KSR2: variants seen among roughly 807,000 people sequenced by gnomAD.
KSR2 encodes kinase suppressor of ras 2.
KSR2 carries 25 observed loss-of-function variants against 107.8 expected under a neutral mutation model. That is an observed-to-expected ratio of 0.23 (90% CI 0.17 to 0.32). The LOEUF (loss-of-function observed/expected upper bound fraction) is 0.32. Ranked by LOEUF, KSR2 falls within the 10% of genes least tolerant of loss-of-function variation. The pLI, the probability that KSR2 is intolerant of heterozygous loss-of-function variation, is 1.00. For missense variants in KSR2, 887 were observed against 1,268.9 expected (o/e 0.70, Z 4.57); for synonymous variants, 480 against 507.0 (o/e 0.95, Z 0.71).
chr12:117,753,346 T>C (rs1888673873), intron 4 of KSR2, among the ~76,000 whole-genome samples: 1 of 152,154 alleles, frequency 6.6e-6, no homozygotes, highest in African/African-American at 2.4e-5. Context: ...AAATCCAAGA[T>C]TTTTCCTGTC....
intron 18 of KSR2, 85 bp from the exon 19 acceptor site, chr12:117,469,880 T>C: frequency 7.3e-7 from 1 of 1,363,238 alleles, no homozygotes; most frequent in South Asian, 1.2e-5. Context: ...TGCCAATTTG[T>C]CCACTCATCT....
At chr12:117,536,599 A>G (rs1328678380) in intron 10 of KSR2, among the ~76,000 whole-genome samples, 4 of 152,366 alleles carry the variant, frequency 2.6e-5, no homozygotes, top group African/African-American at 9.6e-5. Context: ...ATATATGTAA[A>G]TATTTTACAA....
At chr12:117,725,084 T>TCTCACACA (rs1468780403) in intron 4 of KSR2, among the ~76,000 whole-genome samples, 16 of 121,486 alleles carry the variant, frequency 1.3e-4, no homozygotes, top group African/African-American at 4.6e-4. Context: ...TCTCTCTCTC[T>TCTCACACA]CACACACACA....
At chr12:117,732,912 C>T (rs996292927) in intron 4 of KSR2, among the ~76,000 whole-genome samples, 3 of 152,122 alleles carry the variant, frequency 2.0e-5, no homozygotes, top group Non-Finnish European at 2.9e-5. Flanking sequence ...CCCCGCCCTG[C>T]GAGAGGGTCC....
chr12:117,551,459 T>C (rs1293269996), intron 9 of KSR2, among the ~76,000 whole-genome samples: 2 of 152,174 alleles, frequency 1.3e-5, no homozygotes, highest in Admixed American at 6.5e-5. Flanking sequence ...ATGTCTATTT[T>C]ACATAAAGGA....
intron 1 of KSR2, among the ~76,000 whole-genome samples, chr12:117,967,272 GC>G (rs1173730352): frequency 4.0e-5 from 6 of 151,774 alleles, no homozygotes; most frequent in Non-Finnish European, 5.9e-5. Context: ...CTCAAGTTCT[GC>G]CGGAGAGAAT....
chr12:117,896,605 G>A (rs773233077), intron 1 of KSR2, among the ~76,000 whole-genome samples: 2 of 151,906 alleles, frequency 1.3e-5, no homozygotes, highest in Admixed American at 1.3e-4. Flanking sequence ...GATTCCAGGC[G>A]TGTGCCACCA....
intron 14 of KSR2, 117 bp downstream of exon 14, chr12:117,524,735 G>A: frequency 8.2e-7 from 1 of 1,219,076 alleles, no homozygotes; most frequent in East Asian, 2.4e-5. Context: ...AACTGTGCAT[G>A]GTAGAACTAG....
intron 5 of KSR2, among the ~76,000 whole-genome samples, chr12:117,635,248 T>C (rs1162388005): frequency 2.0e-5 from 3 of 152,144 alleles, no homozygotes; most frequent in Admixed American, 2.0e-4. Context: ...AATAATGGAC[T>C]ACAGACATAA....
chr12:117,801,199 C>A (rs575079965), intron 3 of KSR2, among the ~76,000 whole-genome samples: 15 of 152,244 alleles, frequency 9.9e-5, no homozygotes, highest in African/African-American at 3.6e-4. Context: ...TCACTGCAAC[C>A]TCCACCTCCT....
At chr12:117,561,834 G>A (rs879748473) in intron 7 of KSR2, among the ~76,000 whole-genome samples, 1 of 152,156 alleles carries the variant, frequency 6.6e-6, no homozygotes, top group Non-Finnish European at 1.5e-5. Context: ...GCCCCCATGG[G>A]AAAGCTCATG....
chr12:117,860,504 C>T, intron 1 of KSR2, 73 bp from the exon 2 acceptor site: 3 of 1,434,000 alleles, frequency 2.1e-6, no homozygotes. Flanking sequence ...CGAGAACCCC[C>T]TACGAACCCC....
chr12:117,800,820 A>C (rs1489063920), intron 3 of KSR2, among the ~76,000 whole-genome samples: 1 of 151,396 alleles, frequency 6.6e-6, no homozygotes, highest in Non-Finnish European at 1.5e-5. Flanking sequence ...CTCATTGTTC[A>C]ACTCCCACTT....
chr12:117,510,994 C>A (rs530764828), intron 14 of KSR2, among the ~76,000 whole-genome samples: 2 of 152,076 alleles, frequency 1.3e-5, no homozygotes, highest in East Asian at 3.9e-4. Context: ...TTCATTTAAT[C>A]TTCACATTTA....
intron 4 of KSR2, among the ~76,000 whole-genome samples, chr12:117,718,949 C>G (rs1887104863): frequency 6.6e-6 from 1 of 152,148 alleles, no homozygotes; most frequent in South Asian, 2.1e-4. Flanking sequence ...CTTCCAGTCT[C>G]CTAAACAGCC....
chr12:117,823,554 C>A (rs1319154073), intron 3 of KSR2, among the ~76,000 whole-genome samples: 1 of 152,096 alleles, frequency 6.6e-6, no homozygotes, highest in Non-Finnish European at 1.5e-5. Context: ...GGTGGAAGGG[C>A]AACTGCAGGG....
At chr12:117,731,093 G>T (rs1166494430) in intron 4 of KSR2, among the ~76,000 whole-genome samples, 3 of 149,220 alleles carry the variant, frequency 2.0e-5, no homozygotes, top group African/African-American at 7.4e-5. Context: ...CCATCGTCTG[G>T]GATGTGGGGA....
At chr12:117,759,004 C>G (rs1420747107) in intron 4 of KSR2, among the ~76,000 whole-genome samples, 1 of 152,150 alleles carries the variant, frequency 6.6e-6, no homozygotes, top group African/African-American at 2.4e-5. Flanking sequence ...CTCTGTGGCT[C>G]TCACAAAACC....
intron 2 of KSR2, 98 bp downstream of exon 2, chr12:117,860,193 C>T: frequency 7.8e-7 from 1 of 1,282,586 alleles, no homozygotes; most frequent in Non-Finnish European, 1.1e-6. Context: ...GTGCCAGGGA[C>T]TGTGCTGGGC....
Sources: allele counts gnomAD v4.1 joint callset (sites outside exome capture counted in the v4.1 genomes callset), GRCh38; gene constraint gnomAD v4.1.1; transcripts MANE v1.5; gene names NCBI Gene and HGNC (gene_info 2026-07-23, HGNC 2026-07-21).